Variants in ASTN2 observed in about 807,000 individuals in gnomAD.
The protein encoded by ASTN2 is astrotactin 2.
ASTN2 carries 54 observed loss-of-function variants against 139.8 expected under a neutral mutation model. The observed-to-expected ratio is 0.39, with a 90% CI of 0.31 to 0.48. ASTN2 has a LOEUF of 0.48. ASTN2 is among the 20% of genes least tolerant of loss of function. The pLI, the probability that ASTN2 is intolerant of heterozygous loss-of-function variation, is 0.95. For synonymous variants in ASTN2, 756 were observed against 719.5 expected (o/e 1.05, Z -0.81); for missense variants, 1,565 against 1,725.1 (o/e 0.91, Z 1.64).
chr9:116,940,517 T>G (rs1320885984), intron 10 of ASTN2, among the ~76,000 whole-genome samples: 1 of 152,194 alleles, frequency 6.6e-6, no homozygotes, highest in Non-Finnish European at 1.5e-5. Context: ...TGTTCATATC[T>G]TAGTTTTTAA....
intron 19 of ASTN2, among the ~76,000 whole-genome samples, chr9:116,500,870 C>A (rs1273221699): frequency 6.6e-6 from 1 of 152,164 alleles, no homozygotes; most frequent in Non-Finnish European, 1.5e-5. Context: ...AATACCAATT[C>A]ATGAAACACT....
rs115190185 is a variant in ASTN2, at chr9:116,973,385, C to T, written c.1889+1823G>A. ...CATTTTGCAGACAAATAAATGAAAA[C>T]GTAGAGAATTAAACTTGGCCACCAT... is the stretch of plus-strand genomic sequence containing the variant. On this transcript the variant is annotated intron_variant, in intron 10 of 22. Transcript: ENST00000313400. Among the ~76,000 whole-genome samples the T allele has an allele frequency of 4.6e-3, 703 of 152,142 alleles. 5 individuals are homozygous for T. The highest frequency in any genetic ancestry group is 0.015 in the African/African-American group (641 of 41,492).
intron 1 of ASTN2, among the ~76,000 whole-genome samples, chr9:117,345,842 C>T (rs79790420): frequency 0.025 from 3,869 of 151,864 alleles, 81 homozygotes; most frequent in Middle Eastern, 0.062. Flanking sequence ...TTTTCTCTTC[C>T]ACCCCATCTC....
intron 10 of ASTN2, among the ~76,000 whole-genome samples, chr9:116,944,961 A>G (rs1034283014): frequency 1.3e-5 from 2 of 152,162 alleles, no homozygotes; most frequent in Non-Finnish European, 2.9e-5. Flanking sequence ...AAGTCCAGAG[A>G]TAGTAAGGAT....
At chr9:117,028,332 T>C (rs1483370489) in intron 6 of ASTN2, among the ~76,000 whole-genome samples, 1 of 152,194 alleles carries the variant, frequency 6.6e-6, no homozygotes, top group Admixed American at 6.5e-5. Context: ...GCTGAGCAGC[T>C]GCAGATATAT....
At chr9:116,454,094 T>G (rs1357454030) in intron 20 of ASTN2, among the ~76,000 whole-genome samples, 1 of 152,204 alleles carries the variant, frequency 6.6e-6, no homozygotes, top group African/African-American at 2.4e-5. Flanking sequence ...GCGCCAATCT[T>G]CTGCAAGCTC....
chr9:117,206,423 C>T (rs913424969), intron 3 of ASTN2, among the ~76,000 whole-genome samples: 5 of 152,166 alleles, frequency 3.3e-5, no homozygotes, highest in Admixed American at 2.0e-4. Flanking sequence ...TAAAGAGCCA[C>T]CAAGAATTTA....
intron 1 of ASTN2, among the ~76,000 whole-genome samples, chr9:117,360,624 A>G (rs1212114934): frequency 6.6e-6 from 1 of 152,086 alleles, no homozygotes; most frequent in Admixed American, 6.6e-5. Flanking sequence ...AGATAACCAG[A>G]ATTGATGAGG....
At chr9:117,200,557 A>G (rs1013155156) in intron 3 of ASTN2, among the ~76,000 whole-genome samples, 8 of 152,136 alleles carry the variant, frequency 5.3e-5, no homozygotes, top group Non-Finnish European at 1.0e-4. Flanking sequence ...GTTTATTGAG[A>G]GTTTTTAACA....
At chr9:117,128,735 T>C (rs974939148) in intron 4 of ASTN2, among the ~76,000 whole-genome samples, 1 of 152,238 alleles carries the variant, frequency 6.6e-6, no homozygotes, top group Admixed American at 6.5e-5. Flanking sequence ...AAGACATACC[T>C]GAGACTGGGC....
At chr9:116,616,375 A>G (rs1588088250) in intron 19 of ASTN2, among the ~76,000 whole-genome samples, 1 of 152,310 alleles carries the variant, frequency 6.6e-6, no homozygotes, top group Non-Finnish European at 1.5e-5. Flanking sequence ...GAGAGAGAAG[A>G]CTTTCTGCTG....
At chr9:116,663,442 G>A (rs534734620) in intron 16 of ASTN2, among the ~76,000 whole-genome samples, 2 of 151,990 alleles carry the variant, frequency 1.3e-5, no homozygotes, top group Non-Finnish European at 2.9e-5. Flanking sequence ...TTTTCCTGGG[G>A]GTTCACAGTC....
rs549205640 is a variant in ASTN2 at position 117,345,072 on chromosome 9, G to C, written c.443-53559C>G. On this transcript the variant is annotated intron_variant, in intron 1 of 22. Coordinates refer to ENST00000313400, the MANE Select transcript of ASTN2 (RefSeq NM_001365068.1). ...GGTTAGAGGTGGGAGGGTCCATGGA[G>C]ATAAAAGAGCCCAACTTGGAGCTGT... Among the ~76,000 whole-genome samples, 174 of 152,236 alleles carry C rather than the reference G, an allele frequency of 1.1e-3. 2 individuals carry two copies. The highest frequency in any genetic ancestry group is 4.5e-3 in the East Asian group (23 of 5,168).
intron 3 of ASTN2, among the ~76,000 whole-genome samples, chr9:117,207,491 C>A (rs1041387361): frequency 6.6e-6 from 1 of 152,150 alleles, no homozygotes; most frequent in African/African-American, 2.4e-5. Context: ...CATAGCAGGC[C>A]TAAGAAACTG....
intron 16 of ASTN2, among the ~76,000 whole-genome samples, chr9:116,722,061 T>C (rs545766583): frequency 3.9e-5 from 6 of 152,284 alleles, no homozygotes; most frequent in Non-Finnish European, 7.4e-5. Context: ...GAGAGCATAA[T>C]ATGATAGTGA....
chr9:116,676,904 G>A (rs1350647207), intron 16 of ASTN2, among the ~76,000 whole-genome samples: 2 of 152,132 alleles, frequency 1.3e-5, no homozygotes, highest in African/African-American at 4.8e-5. Flanking sequence ...ACTACCTTGT[G>A]GAAATTCTAA....
Position 116,800,008 on chromosome 9 carries a change from T to C in ASTN2, c.2396+5624A>G, listed in dbSNP as rs79309685. Among the ~76,000 whole-genome samples the C allele has an allele frequency of 2.6e-5, 4 of 152,176 alleles. No homozygotes were observed. The East Asian group carries it at 7.7e-4, about 29-fold the overall frequency. ...GGCTTCATTCATGTCAATTTCAACA[T>C]AATTCCTAATCCAGTGGTCTCTCTC... On this transcript the variant is annotated intron_variant, in intron 13 of 22. Coordinates refer to ENST00000313400, the MANE Select transcript of ASTN2 (RefSeq NM_001365068.1).
intron 1 of ASTN2, among the ~76,000 whole-genome samples, chr9:117,378,602 G>A (rs947995366): frequency 1.3e-5 from 2 of 152,144 alleles, no homozygotes; most frequent in Non-Finnish European, 2.9e-5. Flanking sequence ...AAAGGTGGGA[G>A]AAAACCAGAC....
At chr9:117,283,396 A>G (rs1379640391) in intron 2 of ASTN2, among the ~76,000 whole-genome samples, 1 of 151,828 alleles carries the variant, frequency 6.6e-6, no homozygotes, top group Non-Finnish European at 1.5e-5. Context: ...TAAAGTCTAT[A>G]CTTACAATAT....
Sources: gnomAD v4.1 joint callset for allele counts (sites outside exome capture counted in the v4.1 genomes callset) on GRCh38, gnomAD v4.1.1 for gene constraint, MANE v1.5 for transcripts, NCBI Gene and HGNC (gene_info 2026-07-23, HGNC 2026-07-21) for gene names.